The following HCRTR2 variants were observed in gnomAD, a reference collection of about 807,000 sequenced individuals.
HCRTR2 encodes the protein hypocretin receptor 2.
A neutral mutation model predicts 49.0 loss-of-function variants in HCRTR2; 22 were observed. That is an observed-to-expected ratio of 0.45 (90% CI 0.32 to 0.64). The LOEUF is 0.64. Among genes scored for constraint, HCRTR2 ranks in the 30% least tolerant of loss-of-function variants. The pLI is 0.04. For missense variants in HCRTR2, 491 were observed against 559.4 expected (o/e 0.88, Z 1.23); for synonymous variants, 236 against 205.3 (o/e 1.15, Z -1.28).
At chr6:55,141,255 G>T (rs1764503175) in intron 1 of HCRTR2, among the ~76,000 whole-genome samples, 1 of 151,998 alleles carries the variant, frequency 6.6e-6, no homozygotes, top group South Asian at 2.1e-4. Flanking sequence ...TGAGGCAGGA[G>T]AATGCGTGAA....
chr6:55,173,336 A>T (rs1764978882), upstream of HCRTR2, among the ~76,000 whole-genome samples: 3 of 152,210 alleles, frequency 2.0e-5, no homozygotes, highest in South Asian at 6.2e-4. Flanking sequence ...CTAGATGGGG[A>T]CATGTCAGCA....
At chr6:55,148,304 T>G (rs1394017623) in intron 1 of HCRTR2, among the ~76,000 whole-genome samples, 1 of 152,008 alleles carries the variant, frequency 6.6e-6, no homozygotes, top group African/African-American at 2.4e-5. Context: ...TCAATCTCTT[T>G]TAAAAGTAAA....
chr6:55,166,495 C>T (rs1324376753), intron 1 of HCRTR2, among the ~76,000 whole-genome samples: 1 of 151,874 alleles, frequency 6.6e-6, no homozygotes, highest in Non-Finnish European at 1.5e-5. Context: ...ACACACACAA[C>T]GCACACACAA....
rs145648378 is a variant in HCRTR2, at chr6:55,120,604, T to C, written c.-378+14059T>C. Among the ~76,000 whole-genome samples the C allele has an allele frequency of 2.0e-5, 3 of 150,662 alleles. 1 individual carries two copies. Among genetic ancestry groups the C allele is most frequent in the African/African-American group, 7.5e-5 (3 of 40,040 alleles). ...TTGTGATTTTTCCACATTGATTTTGTATCCTGAGACTTTCCTGAAGTTGCT... is the reference window on the plus strand; with the variant it reads ...TTGTGATTTTTCCACATTGATTTTGCATCCTGAGACTTTCCTGAAGTTGCT... On this transcript the variant is annotated intron_variant, in intron 1 of 7. Coordinates refer to the HCRTR2 transcript ENST00000615358.
intron 3 of HCRTR2, among the ~76,000 whole-genome samples, 193 bp downstream of exon 3, chr6:55,255,572 G>A (rs1369853503): frequency 3.3e-5 from 5 of 152,136 alleles, no homozygotes; most frequent in African/African-American, 1.2e-4. Flanking sequence ...GAATCCTTTG[G>A]AAATGTTATC....
intron 4 of HCRTR2, among the ~76,000 whole-genome samples, chr6:55,265,595 G>A (rs1048453317): frequency 1.3e-5 from 2 of 152,090 alleles, no homozygotes; most frequent in Non-Finnish European, 2.9e-5. Context: ...AACAAGTCAC[G>A]TGGTTAAACT....
upstream of HCRTR2, among the ~76,000 whole-genome samples, chr6:55,171,254 A>G (rs1231490392): frequency 3.3e-5 from 5 of 152,140 alleles, no homozygotes; most frequent in Admixed American, 2.6e-4. Context: ...TTGTTTCCTG[A>G]CTTTTTAATG....
At chr6:55,193,751 A>G (rs923322649) in intron 1 of HCRTR2, among the ~76,000 whole-genome samples, 11 of 152,130 alleles carry the variant, frequency 7.2e-5, no homozygotes, top group Non-Finnish European at 1.5e-4. Context: ...ATTTAAAAAA[A>G]GGTCATTTAT....
rs375966913 is a variant in HCRTR2 at position 55,112,994 on chromosome 6, T to C, written c.-378+6449T>C. On this transcript the variant is annotated intron_variant, in intron 1 of 7. Transcript: ENST00000615358. ...AAGCCAAATACTTACAGCCAACTGA[T>C]CTTCAACAAAGCAAACAAAAACATA... Among the ~76,000 whole-genome samples, 18 of 152,152 alleles carry C rather than the reference T, an allele frequency of 1.2e-4. 1 individual carries two copies. The South Asian group carries it at 3.7e-3, about 32-fold the overall frequency.
intron 1 of HCRTR2, among the ~76,000 whole-genome samples, chr6:55,158,269 T>C (rs1764757294): frequency 6.6e-6 from 1 of 152,146 alleles, no homozygotes; most frequent in Non-Finnish European, 1.5e-5. Flanking sequence ...TGGTGCATTC[T>C]GGTCCAGATA....
chr6:55,117,648 C>G (rs1485433037), intron 1 of HCRTR2, among the ~76,000 whole-genome samples: 1 of 151,466 alleles, frequency 6.6e-6, no homozygotes, highest in Non-Finnish European at 1.5e-5. Context: ...AATTACAGAG[C>G]AATTGCACCT....
intron 1 of HCRTR2, among the ~76,000 whole-genome samples, chr6:55,187,230 C>A (rs1280556044): frequency 1.3e-5 from 2 of 151,476 alleles, no homozygotes; most frequent in Non-Finnish European, 2.9e-5. Context: ...CATGGTAAAA[C>A]CCCATCTCTA....
chr6:55,184,285 T>A (rs1249949982), intron 1 of HCRTR2, among the ~76,000 whole-genome samples: 1 of 152,188 alleles, frequency 6.6e-6, no homozygotes, highest in East Asian at 1.9e-4. Flanking sequence ...TATGTATGAA[T>A]CTTGCATGCC....
At chr6:55,125,589 T>C (rs1764262707) in intron 1 of HCRTR2, among the ~76,000 whole-genome samples, 1 of 152,180 alleles carries the variant, frequency 6.6e-6, no homozygotes, top group Non-Finnish European at 1.5e-5. Flanking sequence ...TGATTCTGTG[T>C]CTTGGGTTTG....
intron 1 of HCRTR2, among the ~76,000 whole-genome samples, chr6:55,187,078 A>T (rs1274291262): frequency 1.4e-5 from 2 of 143,804 alleles, no homozygotes; most frequent in Non-Finnish European, 3.0e-5. Flanking sequence ...TTATGAATTA[A>T]AAAAAAAAAT....
intron 1 of HCRTR2, among the ~76,000 whole-genome samples, chr6:55,141,883 T>C (rs901774364): frequency 1.3e-5 from 2 of 152,120 alleles, no homozygotes; most frequent in African/African-American, 4.8e-5. Flanking sequence ...GTAAAAGCTA[T>C]AGAAACCCAT....
intron 1 of HCRTR2, among the ~76,000 whole-genome samples, chr6:55,113,634 A>T (rs1764079884): frequency 6.6e-6 from 1 of 151,418 alleles, no homozygotes; most frequent in African/African-American, 2.4e-5. Context: ...TAATTAAAAA[A>T]TAAAAAAAAA....
At chr6:55,123,593 T>A (rs1237888531) in intron 1 of HCRTR2, among the ~76,000 whole-genome samples, 1 of 152,114 alleles carries the variant, frequency 6.6e-6, no homozygotes, top group African/African-American at 2.4e-5. Context: ...TTTTCCTTTT[T>A]TGTTGTGTCT....
intron 2 of HCRTR2, among the ~76,000 whole-genome samples, chr6:55,249,728 T>C (rs1766512538): frequency 6.6e-6 from 1 of 152,108 alleles, no homozygotes; most frequent in South Asian, 2.1e-4. Flanking sequence ...TTCTGATTGT[T>C]ATTATAGCTC....
Sources: allele counts gnomAD v4.1 joint callset (sites outside exome capture counted in the v4.1 genomes callset), GRCh38; gene constraint gnomAD v4.1.1; transcripts MANE v1.5; gene names NCBI Gene and HGNC (gene_info 2026-07-23, HGNC 2026-07-21).